The following DNAJC13 variants were observed in gnomAD, a reference collection of about 807,000 sequenced individuals.
DNAJC13 encodes DnaJ heat shock protein family (Hsp40) member C13.
In DNAJC13, 75 loss-of-function variants were observed where a neutral mutation model predicts 290.5. The observed-to-expected ratio is 0.26, with a 90% confidence interval of 0.21 to 0.31. DNAJC13 has a LOEUF of 0.31. DNAJC13 is among the 10% of genes least tolerant of loss of function. The pLI, the probability that DNAJC13 is intolerant of heterozygous loss-of-function variation, is 1.00. For synonymous variants in DNAJC13, 862 were observed against 892.0 expected (o/e 0.97, Z 0.60); for missense variants, 2,260 against 2,674.5 (o/e 0.85, Z 3.42).
At chr3:132,467,401 T>C (rs1328478500) in intron 20 of DNAJC13, 88 bp downstream of exon 20, 1 of 1,364,020 alleles carries the variant, frequency 7.3e-7, no homozygotes, top group Non-Finnish European at 1.0e-6. Flanking sequence ...ATGGTATCGA[T>C]ACATTTCTTG....
intron 2 of DNAJC13, among the ~76,000 whole-genome samples, chr3:132,443,161 CT>C (rs910709858): frequency 6.6e-6 from 1 of 151,886 alleles, no homozygotes; most frequent in Admixed American, 6.6e-5. Flanking sequence ...AGATAAAAAT[CT>C]TTTTTTTATT....
chr3:132,503,462 C>T, intron 41 of DNAJC13, 81 bp downstream of exon 41: 1 of 1,471,848 alleles, frequency 6.8e-7, no homozygotes, highest in Non-Finnish European at 9.2e-7. Flanking sequence ...TAATATTGAT[C>T]TAGGGAACCT....
At chr3:132,485,207 G>T (rs1214194869) in intron 29 of DNAJC13, among the ~76,000 whole-genome samples, 1 of 152,106 alleles carries the variant, frequency 6.6e-6, no homozygotes, top group African/African-American at 2.4e-5. Context: ...GCAGGATCTT[G>T]ACCCAATCCA....
chr3:132,489,313 T>G (rs1007336485), intron 31 of DNAJC13, among the ~76,000 whole-genome samples: 1 of 152,100 alleles, frequency 6.6e-6, no homozygotes, highest in African/African-American at 2.4e-5. Context: ...AAGTTTAGAT[T>G]AGTGATTTTT....
chr3:132,462,543 A>G lies in DNAJC13; in HGVS notation c.1770+20A>G. On this transcript the variant is annotated intron_variant, in intron 16 of 55. Coordinates refer to ENST00000260818, the MANE Select transcript of DNAJC13 (RefSeq NM_015268.4). The stretch of plus-strand genomic sequence containing the variant: ...ATAGAGGTGAGAGAACAATTTTGAA[A>G]TTTTAACCTTACTTGAATGTTGATA... 6.3e-7 allele frequency: 1 copy of G among 1,578,742 alleles called. No individual in the cohort carries two copies.
intron 35 of DNAJC13, 102 bp downstream of exon 35, chr3:132,495,268 A>AT: frequency 1.2e-6 from 1 of 857,608 alleles, no homozygotes; most frequent in Non-Finnish European, 1.9e-6. Flanking sequence ...TCTGCCTCAT[A>AT]ATATATACTC....
At chr3:132,527,178 C>T (rs549261035) in intron 53 of DNAJC13, among the ~76,000 whole-genome samples, 18 of 152,244 alleles carry the variant, frequency 1.2e-4, no homozygotes, top group African/African-American at 3.6e-4. Flanking sequence ...TGTGTCATAA[C>T]ATCACTTTAT....
chr3:132,538,598 ATT>A lies in DNAJC13; in HGVS notation c.*325_*326del. On this transcript the variant is annotated 3_prime_UTR_variant, in exon 56 of 56. Coordinates refer to ENST00000260818, the MANE Select transcript of DNAJC13 (RefSeq NM_015268.4). ...CAAAACTTTCTTCCTAGTTTTTGTA[ATT>A]TTTTTTTTGAACTAGCATGACTGTA... The A allele has an allele frequency of 1.1e-5, 2 of 183,148 alleles. No individual in the cohort carries two copies. The highest frequency in any genetic ancestry group is 1.1e-5 in the Non-Finnish European group (1 of 89,184). 11.3% of individuals were successfully genotyped at this position (183,148 alleles called of 1,614,324 possible). A position where few individuals can be genotyped will look rare whatever the true frequency, so the allele number is the denominator to read the frequency against.
intron 1 of DNAJC13, among the ~76,000 whole-genome samples, chr3:132,432,141 T>C (rs1287385467): frequency 6.6e-6 from 1 of 152,176 alleles, no homozygotes; most frequent in Non-Finnish European, 1.5e-5. Flanking sequence ...ATTCCAACTA[T>C]TCAGTTTGTA....
At chr3:132,425,773 C>A (rs1939073780) in intron 1 of DNAJC13, among the ~76,000 whole-genome samples, 1 of 139,048 alleles carries the variant, frequency 7.2e-6, no homozygotes, top group South Asian at 2.1e-4. Flanking sequence ...TAAGTGTATT[C>A]ATTCATCCCT....
chr3:132,419,560 G>T (rs1201038866), intron 1 of DNAJC13, among the ~76,000 whole-genome samples: 1 of 152,172 alleles, frequency 6.6e-6, no homozygotes, highest in Non-Finnish European at 1.5e-5. Context: ...TCCCAAATTA[G>T]GGTTGAAATT....
chr3:132,430,526 A>G (rs1215324103), intron 1 of DNAJC13, among the ~76,000 whole-genome samples: 1 of 152,040 alleles, frequency 6.6e-6, no homozygotes, highest in Non-Finnish European at 1.5e-5. Context: ...GTCTCCACTC[A>G]ACACATTTTC....
At chr3:132,499,349 A>G in intron 37 of DNAJC13, 39 bp downstream of exon 37, 1 of 1,511,942 alleles carries the variant, frequency 6.6e-7, no homozygotes, top group Non-Finnish European at 8.9e-7. Context: ...AAGCCAGTTT[A>G]CACACATTAT....
chr3:132,430,573 A>G (rs1395787774), intron 1 of DNAJC13, among the ~76,000 whole-genome samples: 1 of 152,174 alleles, frequency 6.6e-6, no homozygotes, highest in African/African-American at 2.4e-5. Flanking sequence ...CCCTTGGTAC[A>G]GAGTCAGTTA....
intron 34 of DNAJC13, 94 bp downstream of exon 34, chr3:132,494,353 C>A: frequency 2.0e-6 from 2 of 1,001,256 alleles, no homozygotes; most frequent in Non-Finnish European, 3.1e-6. Flanking sequence ...ATTTTAAAAT[C>A]TTTTGCCTAT....
Position 132,505,419 on chromosome 3 carries a change from T to C in DNAJC13, c.4998+4T>C, listed in dbSNP as rs1200757505. Reference sequence around the variant, plus strand: ...ACAAGAAAACATGATTAAAAAAGTATGTTATTGTTTTATAAATTTCTTGGG... The same window carrying C: ...ACAAGAAAACATGATTAAAAAAGTACGTTATTGTTTTATAAATTTCTTGGG... On this transcript the variant is annotated splice_donor_region_variant and intron_variant, in intron 42 of 55. Transcript: ENST00000260818. The C allele has an allele frequency of 1.9e-6, 3 of 1,543,022 alleles. No individual in the cohort carries two copies. Among genetic ancestry groups the C allele is most frequent in the Non-Finnish European group, 2.7e-6 (3 of 1,122,366 alleles).
At chr3:132,429,241 T>C (rs1161789204) in intron 1 of DNAJC13, among the ~76,000 whole-genome samples, 1 of 152,182 alleles carries the variant, frequency 6.6e-6, no homozygotes, top group Non-Finnish European at 1.5e-5. Context: ...CGAAACTAGT[T>C]CTGAATTATT....
chr3:132,499,256 T>G lies in DNAJC13; in HGVS notation c.4287T>G (p.Thr1429=). The G allele has an allele frequency of 6.2e-7, 1 of 1,614,104 alleles. No homozygotes were observed. The highest frequency in any genetic ancestry group is 8.5e-7 in the Non-Finnish European group (1 of 1,180,004). ...LPAATELAFH[T]VNCSALNAEE... ...CGGCTACAGAGCTAGCTTTCCATAC[T>G]GTCAACTGTTCAGCCCTCAATGCTG... Residue 1429 remains threonine (T), a synonymous_variant, in exon 37 of 56, where the codon ACT becomes ACG. Transcript: ENST00000260818.
chr3:132,450,105 T>G (rs1933375971), intron 5 of DNAJC13, among the ~76,000 whole-genome samples: 1 of 152,076 alleles, frequency 6.6e-6, no homozygotes, highest in Non-Finnish European at 1.5e-5. Flanking sequence ...GAAGATAACT[T>G]TCCAGTTGTG....
Sources: allele counts gnomAD v4.1 joint callset (sites outside exome capture counted in the v4.1 genomes callset), GRCh38; gene constraint gnomAD v4.1.1; transcripts MANE v1.5; gene names NCBI Gene and HGNC (gene_info 2026-07-23, HGNC 2026-07-21).